The following ASB7 variants were observed in gnomAD, a reference collection of about 807,000 sequenced individuals.
The protein encoded by ASB7 is ankyrin repeat and SOCS box protein 7.
A neutral mutation model predicts 32.5 loss-of-function variants in ASB7; 4 were observed. The ratio of observed to expected loss-of-function variants is 0.12; its 90% CI spans 0.06 to 0.28. The LOEUF (loss-of-function observed/expected upper bound fraction) is 0.28, where lower values mean the gene tolerates loss of function less well. ASB7 is among the 10% of genes least tolerant of loss of function. The probability of loss-of-function intolerance (pLI) is 1.00; values close to 1 mark genes in which losing one functional copy is unlikely to be tolerated. For synonymous variants in ASB7, 172 were observed against 155.6 expected, an observed-to-expected ratio of 1.11 and a Z score of -0.78; for missense variants, 181 against 407.1, an observed-to-expected ratio of 0.44 and a Z score of 4.78.
At chr15:100,648,228 A>G in intron 5 of ASB7, 95 bp from the exon 6 acceptor site, 1 of 1,326,302 alleles carries the variant, frequency 7.5e-7, no homozygotes, top group Non-Finnish European at 1.0e-6. Context: ...AAGTCCATAG[A>G]GAGAACTTCC....
chr15:100,624,172 G>A (rs1205916455), intron 4 of ASB7, among the ~76,000 whole-genome samples: 2 of 152,190 alleles, frequency 1.3e-5, no homozygotes, highest in African/African-American at 2.4e-5. Flanking sequence ...GGTGGTAGGA[G>A]GAGATAAAGA....
rs1348094783 is a variant in ASB7, at chr15:100,650,548, T to C, written c.*2086T>C. The C allele has an allele frequency of 1.3e-5, 2 of 152,196 alleles. No individual in the cohort carries two copies. The highest frequency in any genetic ancestry group is 4.8e-5 in the African/African-American group (2 of 41,442). The allele number at this position is 152,196 out of a possible 1,614,324, so 9.4% of individuals were successfully genotyped here. A position where few individuals can be genotyped will look rare whatever the true frequency, so the allele number is the denominator to read the frequency against. ...TTCCACGTATGTGTGTGTTAATTTA[T>C]TCACTTAGTTTCAAAAGATTTTCTC... On this transcript the variant is annotated 3_prime_UTR_variant, in exon 6 of 6. Transcript: ENST00000332783.
intron 5 of ASB7, among the ~76,000 whole-genome samples, chr15:100,641,826 C>G (rs1259691430): frequency 1.3e-5 from 2 of 152,180 alleles, no homozygotes; most frequent in Non-Finnish European, 2.9e-5. Context: ...GTGCTTGGCA[C>G]TATTGTAAGC....
chr15:100,614,881 T>C (rs1389459711), intron 4 of ASB7, among the ~76,000 whole-genome samples: 1 of 152,242 alleles, frequency 6.6e-6, no homozygotes, highest in Non-Finnish European at 1.5e-5. Context: ...GGCTATAGTT[T>C]CTGAATCTTT....
At chr15:100,631,373 C>T (rs1368296850) in intron 5 of ASB7, among the ~76,000 whole-genome samples, 2 of 152,192 alleles carry the variant, frequency 1.3e-5, no homozygotes, top group African/African-American at 4.8e-5. Flanking sequence ...TGTTGGTCCA[C>T]ACAGATCTGC....
chr15:100,637,858 C>T (rs1409612825), intron 5 of ASB7, among the ~76,000 whole-genome samples: 2 of 152,182 alleles, frequency 1.3e-5, no homozygotes, highest in Non-Finnish European at 2.9e-5. Context: ...TCTCTGACTC[C>T]AGCTGCCTTC....
At chr15:100,642,651 G>T (rs1204002809) in intron 5 of ASB7, among the ~76,000 whole-genome samples, 1 of 152,216 alleles carries the variant, frequency 6.6e-6, no homozygotes, top group African/African-American at 2.4e-5. Context: ...AACTTTAGTG[G>T]CTTAAAACAA....
At chr15:100,615,410 C>T (rs571929133) in intron 4 of ASB7, among the ~76,000 whole-genome samples, 1 of 152,326 alleles carries the variant, frequency 6.6e-6, no homozygotes, top group Middle Eastern at 3.4e-3. Flanking sequence ...AAGAAACCTT[C>T]TGTTGGTTCT....
intron 5 of ASB7, chr15:100,645,900 T>G (rs1003277207): frequency 1.4e-6 from 1 of 701,056 alleles, no homozygotes; most frequent in Non-Finnish European, 2.6e-6. Context: ...CTGAGGAGAT[T>G]GCTTCCTTGT....
intron 4 of ASB7, among the ~76,000 whole-genome samples, chr15:100,614,896 C>G (rs765741665): frequency 1.3e-5 from 2 of 152,186 alleles, no homozygotes; most frequent in Non-Finnish European, 2.9e-5. Flanking sequence ...ATCTTTCTCT[C>G]TGTATATATG....
intron 2 of ASB7, among the ~76,000 whole-genome samples, chr15:100,607,519 A>C (rs1236025455): frequency 2.0e-5 from 3 of 152,184 alleles, no homozygotes; most frequent in African/African-American, 7.2e-5. Flanking sequence ...TGTGTGCATG[A>C]CGTGTGTGTA....
rs36088432 is a variant in ASB7, at chr15:100,624,903, TAA to T, written c.212-4526_212-4525del. On this transcript the variant is annotated intron_variant, in intron 4 of 5. Transcript: ENST00000332783. ...TTGGCAAATCCAGTCTATTGGTGTATAAAAAAAAATATTATGCCCAAGTAGTA... is the reference window on the plus strand; with the variant it reads ...TTGGCAAATCCAGTCTATTGGTGTATAAAAAAATATTATGCCCAAGTAGTA... Among the ~76,000 whole-genome samples the T allele has an allele frequency of 2.0e-5, 3 of 151,364 alleles. No individual in the cohort carries two copies. In the East Asian group the frequency reaches 5.8e-4, roughly 29 times the overall value.
chr15:100,648,136 G>A (rs2040008852), intron 5 of ASB7, among the ~76,000 whole-genome samples, 187 bp from the exon 6 acceptor site: 1 of 152,132 alleles, frequency 6.6e-6, no homozygotes, highest in Non-Finnish European at 1.5e-5. Context: ...ACCATCCCAC[G>A]GTTGTGAAAA....
intron 5 of ASB7, among the ~76,000 whole-genome samples, chr15:100,638,790 G>C (rs2039942069): frequency 6.6e-6 from 1 of 152,114 alleles, no homozygotes; most frequent in South Asian, 2.1e-4. Context: ...CGTCACCTAG[G>C]TTTTAAGGCC....
At position 100,629,006 on chromosome 15, in the gene ASB7, CA is replaced by C. The variant is rs1025980086; in HGVS notation, c.212-430del. On this transcript the variant is annotated intron_variant, in intron 4 of 5. Transcript: ENST00000332783. The surrounding 1 kb of genome is among the most constrained non-coding windows in gnomAD (Gnocchi z 6.8). The stretch of plus-strand genomic sequence containing the variant: ...AGCATAGTGTATCTGTAATTTAGAG[CA>C]GCAGATGTTGCTACACATGCTTCTC... Among the ~76,000 whole-genome samples the C allele has an allele frequency of 1.3e-5, 2 of 152,218 alleles. No homozygotes were observed. The highest frequency in any genetic ancestry group is 4.8e-5 in the African/African-American group (2 of 41,536).
intron 5 of ASB7, among the ~76,000 whole-genome samples, chr15:100,631,627 C>G (rs1244810453): frequency 6.6e-6 from 1 of 152,102 alleles, no homozygotes; most frequent in Non-Finnish European, 1.5e-5. Flanking sequence ...ATACTTTGTT[C>G]AGTGGTTAAT....
intron 5 of ASB7, among the ~76,000 whole-genome samples, chr15:100,635,231 A>G (rs544500473): frequency 1.3e-5 from 2 of 152,330 alleles, no homozygotes; most frequent in East Asian, 3.9e-4. Flanking sequence ...AGGCATTAAG[A>G]CAGGATTTTA....
At chr15:100,645,459 T>C (rs1260393975) in intron 5 of ASB7, 1 of 475,144 alleles carries the variant, frequency 2.1e-6, no homozygotes, top group East Asian at 4.5e-5. Flanking sequence ...TACAGTTTAT[T>C]ATCTGCTCCT....
At chr15:100,627,983 C>G (rs2039853868) in intron 4 of ASB7, among the ~76,000 whole-genome samples, 1 of 152,174 alleles carries the variant, frequency 6.6e-6, no homozygotes, top group Non-Finnish European at 1.5e-5. Flanking sequence ...TCATGCCTTA[C>G]CAGCAGATGG....
Sources: allele counts gnomAD v4.1 joint callset (sites outside exome capture counted in the v4.1 genomes callset), GRCh38; gene constraint gnomAD v4.1.1; non-coding constraint Gnocchi (gnomAD v3.1); transcripts MANE v1.5; gene names NCBI Gene and HGNC (gene_info 2026-07-23, HGNC 2026-07-21).